ABCC12: variants seen among roughly 807,000 people sequenced by gnomAD.
The protein encoded by ABCC12 is ATP binding cassette subfamily C member 12.
Under a neutral mutation model 151.1 loss-of-function variants are expected in ABCC12, and 142 were observed. That is an observed-to-expected ratio of 0.94 (90% CI 0.82 to 1.08). The LOEUF (loss-of-function observed/expected upper bound fraction) is 1.08. Among genes scored for constraint, ABCC12 ranks in the 50% least tolerant of loss-of-function variants. The pLI is 0.00. For missense variants in ABCC12, 1,638 were observed against 1,691.1 expected (o/e 0.97, Z 0.55); for synonymous variants, 645 against 646.4 (o/e 1.00, Z 0.03).
chr16:48,141,838 C>T (rs1011680269), intron 4 of ABCC12, among the ~76,000 whole-genome samples: 1 of 152,122 alleles, frequency 6.6e-6, no homozygotes, highest in African/African-American at 2.4e-5. Flanking sequence ...ACCTCAAGGG[C>T]CTTCAGGAGT....
intron 3 of ABCC12, among the ~76,000 whole-genome samples, chr16:48,145,729 C>G (rs1296642588): frequency 6.6e-6 from 1 of 152,212 alleles, no homozygotes; most frequent in Non-Finnish European, 1.5e-5. Flanking sequence ...TCCAGTTGCC[C>G]CATTGCCCCA....
intron 22 of ABCC12, among the ~76,000 whole-genome samples, chr16:48,102,543 G>A (rs1396351588): frequency 1.3e-5 from 2 of 152,006 alleles, no homozygotes; most frequent in African/African-American, 2.4e-5. Context: ...TAACAATTTC[G>A]CTTCCTCAGG....
chr16:48,132,674 T>C (rs1964468152), intron 9 of ABCC12, among the ~76,000 whole-genome samples: 1 of 152,202 alleles, frequency 6.6e-6, no homozygotes, highest in African/African-American at 2.4e-5. Context: ...TGTAAAGAAC[T>C]TGAACATCTC....
chr16:48,087,911 A>G lies in ABCC12; in HGVS notation c.3635+15T>C. ...TCTCCAAAAATAGAAATGCACAATGATTAAAAACAGCTACCTTACTGTACC... is the reference window on the plus strand; with the variant it reads ...TCTCCAAAAATAGAAATGCACAATGGTTAAAAACAGCTACCTTACTGTACC... On this transcript the variant is annotated intron_variant, in intron 27 of 30. Coordinates refer to ENST00000311303, the MANE Select transcript of ABCC12 (RefSeq NM_001393797.1). 1 of 1,604,084 alleles carries G rather than the reference A, an allele frequency of 6.2e-7. No homozygotes were observed. Among genetic ancestry groups the G allele is most frequent in the Non-Finnish European group, 8.5e-7 (1 of 1,173,446 alleles).
At chr16:48,104,028 A>T in intron 22 of ABCC12, 114 bp downstream of exon 22, 2 of 1,169,124 alleles carry the variant, frequency 1.7e-6, no homozygotes, top group Non-Finnish European at 2.4e-6. Flanking sequence ...AGTACAAAAA[A>T]AATCAATGGT....
intron 23 of ABCC12, among the ~76,000 whole-genome samples, chr16:48,098,266 T>C (rs1284438855): frequency 2.6e-5 from 4 of 152,130 alleles, no homozygotes; most frequent in Non-Finnish European, 5.9e-5. Context: ...ATTGCCACTG[T>C]GGCTTCCCTG....
At chr16:48,136,136 A>G (rs1387000836) in intron 8 of ABCC12, among the ~76,000 whole-genome samples, 2 of 152,184 alleles carry the variant, frequency 1.3e-5, no homozygotes, top group Non-Finnish European at 2.9e-5. Flanking sequence ...TTGCCTTTTC[A>G]GTGATCAGGG....
intron 4 of ABCC12, 80 bp from the exon 5 acceptor site, chr16:48,141,433 G>A: frequency 1.3e-6 from 2 of 1,562,212 alleles, no homozygotes; most frequent in South Asian, 1.2e-5. Context: ...GCATGCTCTT[G>A]CAAGGGTGCT....
Position 48,152,567 on chromosome 16 carries a change from G to A in ABCC12, c.-51+1049C>T, listed in dbSNP as rs575727591. Among the ~76,000 whole-genome samples the A allele has an allele frequency of 3.3e-5, 5 of 152,272 alleles. No homozygotes were observed. In the East Asian group the frequency reaches 5.8e-4, roughly 18 times the overall value. On this transcript the variant is annotated intron_variant, in intron 2 of 30. Transcript: ENST00000311303. ...AGCTGATGAAGAAGAAAGAGCTCAC[G>A]GCAAGTTCTGAAACCCAGCTGAAAT...
Position 48,140,856 on chromosome 16 carries a change from A to T in ABCC12, c.488T>A (p.Ile163Asn), listed in dbSNP as rs761074820. Residue 163 changes from isoleucine (I) to asparagine (N), a missense_variant, in exon 6 of 31, where the codon ATT becomes AAT. Ile to Asn is a moderately radical substitution (Grantham distance 149). Coordinates refer to ENST00000311303, the MANE Select transcript of ABCC12 (RefSeq NM_001393797.1). ...GGCAAAAAGGGCTATGCACAGTCCA[A>T]TGCCAACCCAGACTTTCCCAGAGGT... Reference protein sequence around the residue: ...ERTSGKVWVGIGLCIALFATE... With the variant: ...ERTSGKVWVGNGLCIALFATE... The T allele has an allele frequency of 1.9e-6, 3 of 1,614,078 alleles. No individual in the cohort carries two copies. The Admixed American group carries it at 5.0e-5, about 27-fold the overall frequency.
intron 15 of ABCC12, 144 bp downstream of exon 15, chr16:48,115,271 C>G: frequency 1.0e-6 from 1 of 989,082 alleles, no homozygotes. Flanking sequence ...GCTGGGGAAT[C>G]ATGAGTGTCT....
rs754571834 is a variant in ABCC12 at position 48,108,420 on chromosome 16, CTTG to C, written c.2371+17_2371+19del. 2 of 1,599,130 alleles carry C rather than the reference CTTG, an allele frequency of 1.3e-6. No individual in the cohort carries two copies. The highest frequency in any genetic ancestry group is 1.3e-5 in the African/African-American group (1 of 74,394). ...TTAAAATGCAAATTAAATCAAGAAA[CTTG>C]TTGTTTTATACTGAACCTCCAGAAG... On this transcript the variant is annotated intron_variant, in intron 19 of 30. Coordinates refer to ENST00000311303, the MANE Select transcript of ABCC12 (RefSeq NM_001393797.1).
Position 48,133,758 on chromosome 16 carries a change from C to G in ABCC12, c.1057G>C (p.Val353Leu), listed in dbSNP as rs747210056. 6.2e-7 allele frequency: 1 copy of G among 1,614,106 alleles called. No individual in the cohort carries two copies. ...GTCAGCACGATGGCTATGGTGGACA[C>G]GATGGGGGCCAGGGCAGAGTTTCCA... ...QSGNSALAPI[V>L]STIAIVLTLS... is the part of the protein sequence containing the mutation. The change falls in exon 9 of 31, where the codon GTG becomes CTG. Residue 353 changes from valine to leucine, a missense_variant. Coordinates refer to ENST00000311303, the MANE Select transcript of ABCC12 (RefSeq NM_001393797.1).
At chr16:48,127,406 C>T (rs1050726266) in intron 11 of ABCC12, among the ~76,000 whole-genome samples, 1 of 152,202 alleles carries the variant, frequency 6.6e-6, no homozygotes, top group Non-Finnish European at 1.5e-5. Context: ...CTCCATCCCC[C>T]AATCTTGAGG....
chr16:48,100,111 C>G (rs566260090), intron 23 of ABCC12, among the ~76,000 whole-genome samples: 12 of 152,124 alleles, frequency 7.9e-5, no homozygotes, highest in East Asian at 5.8e-4. Context: ...AGGTGCCCAC[C>G]ACCACACCCA....
rs1246460262 is a variant in ABCC12, at chr16:48,085,618, G to A, written c.3803C>T (p.Ala1268Val). Residue 1268 changes from alanine to valine, a missense_variant, in exon 29 of 31, where the codon GCC becomes GTC. Physicochemically the swap from Ala to Val is moderately conservative, Grantham distance 64 (BLOSUM62 0). Transcript: ENST00000311303. ...CTTTGAATTACGGAGAAGAGCTCGG[G>A]CCACACAAAGCAGCTGACGTTCCCC... ...SVGERQLLCVARALLRNSKII... is the reference protein window; with the variant it reads ...SVGERQLLCVVRALLRNSKII... 1 of 1,613,950 alleles carries A rather than the reference G, an allele frequency of 6.2e-7. No homozygotes were observed. Among genetic ancestry groups the A allele is most frequent in the Non-Finnish European group, 8.5e-7 (1 of 1,179,990 alleles).
intron 23 of ABCC12, among the ~76,000 whole-genome samples, chr16:48,099,354 G>A (rs1963222507): frequency 6.6e-6 from 1 of 152,086 alleles, no homozygotes; most frequent in Non-Finnish European, 1.5e-5. Context: ...CCGAGATGAT[G>A]CCATTGCACT....
intron 20 of ABCC12, among the ~76,000 whole-genome samples, chr16:48,106,084 C>G (rs1963483241): frequency 1.3e-5 from 2 of 152,214 alleles, no homozygotes; most frequent in Admixed American, 6.5e-5. Context: ...TACTAAAAGT[C>G]AAGACTGCCC....
chr16:48,147,669 T>C (rs974294302), intron 2 of ABCC12, among the ~76,000 whole-genome samples: 1 of 152,192 alleles, frequency 6.6e-6, no homozygotes, highest in Non-Finnish European at 1.5e-5. Context: ...ATCTATCTCA[T>C]CTGGGGCACT....
Sources: allele counts gnomAD v4.1 joint callset (sites outside exome capture counted in the v4.1 genomes callset), GRCh38; gene constraint gnomAD v4.1.1; transcripts MANE v1.5; gene names NCBI Gene and HGNC (gene_info 2026-07-23, HGNC 2026-07-21).